The following LRRC37A variants were observed in gnomAD, a reference collection of about 807,000 sequenced individuals.
LRRC37A encodes leucine-rich repeat-containing protein 37A.
LRRC37A carries 3 observed loss-of-function variants against 35.4 expected under a neutral mutation model. That is an observed-to-expected ratio of 0.08 (90% CI 0.04 to 0.22). The LOEUF (loss-of-function observed/expected upper bound fraction) is 0.22. LRRC37A is among the 10% of genes least tolerant of loss of function. The pLI is 1.00. For synonymous variants in LRRC37A, 23 were observed against 215.0 expected (o/e 0.11, Z 7.81); for missense variants, 67 against 565.3 (o/e 0.12, Z 8.94).
chr17:46,279,456 T>C, the LRRC37A span, among the ~76,000 whole-genome samples: 2 of 151,952 alleles, frequency 1.3e-5, no homozygotes, highest in Non-Finnish European at 2.9e-5. Context: ...AGTGCTGGGA[T>C]TACAGGCATG....
chr17:46,251,999 T>G, the LRRC37A span, among the ~76,000 whole-genome samples: 1 of 152,190 alleles, frequency 6.6e-6, no homozygotes, highest in Admixed American at 6.5e-5. Context: ...CCACTAGCAT[T>G]ACATGACTAT....
chr17:46,332,264 G>A (rs1413787194), intron 9 of LRRC37A, among the ~76,000 whole-genome samples: 4 of 52,740 alleles, frequency 7.6e-5, no homozygotes, highest in Non-Finnish European at 1.3e-4. Context: ...GACCAGCTTG[G>A]CCAACATAGT....
At chr17:46,291,089 T>C (rs1472062535), upstream of LRRC37A, among the ~76,000 whole-genome samples, 1 of 152,252 alleles carries the variant, frequency 6.6e-6, no homozygotes, top group African/African-American at 2.4e-5. Context: ...AGAAGCAATG[T>C]GACAAATTAT....
chr17:46,291,969 C>CAAAAAAAAAAAAAAAA (rs59554870), upstream of LRRC37A, among the ~76,000 whole-genome samples: 4 of 58,086 alleles, frequency 6.9e-5, no homozygotes, highest in Non-Finnish European at 9.5e-5. Flanking sequence ...TCTCAAAAAG[C>CAAAAAAAAAAAAAAAA]AAAAAAAAAA....
At chr17:46,269,300 G>A in the LRRC37A span, among the ~76,000 whole-genome samples, 18,471 of 152,170 alleles carry the variant, frequency 0.12, no homozygotes, top group Non-Finnish European at 0.18. Flanking sequence ...TTGAGAGGCC[G>A]AGGCGGGTGG....
the LRRC37A span, among the ~76,000 whole-genome samples, chr17:46,271,100 T>C: frequency 4.1e-3 from 629 of 152,204 alleles, 7 homozygotes; most frequent in African/African-American, 0.014. Context: ...TTCATTATTT[T>C]ATCCATGGAA....
chr17:46,278,503 C>A, the LRRC37A span, among the ~76,000 whole-genome samples: 2 of 151,450 alleles, frequency 1.3e-5, no homozygotes, highest in African/African-American at 4.9e-5. Context: ...CTCCTGGGTT[C>A]AAGCGATTTT....
At chr17:46,282,409 TTTTG>T in the LRRC37A span, among the ~76,000 whole-genome samples, 3 of 149,158 alleles carry the variant, frequency 2.0e-5, no homozygotes, top group Non-Finnish European at 3.0e-5. Context: ...GGCCTCAGTT[TTTTG>T]TTTGTTTTTT....
the LRRC37A span, among the ~76,000 whole-genome samples, chr17:46,267,744 C>T: frequency 6.6e-6 from 1 of 152,118 alleles, no homozygotes; most frequent in South Asian, 2.1e-4. Context: ...TGGCACAAAG[C>T]GGGCTGTCAA....
the LRRC37A span, among the ~76,000 whole-genome samples, chr17:46,262,970 T>C: frequency 6.6e-6 from 1 of 152,182 alleles, no homozygotes; most frequent in African/African-American, 2.4e-5. Flanking sequence ...CCAAGCACTT[T>C]GTGAGGCCAA....
the LRRC37A span, among the ~76,000 whole-genome samples, chr17:46,266,866 G>A: frequency 6.7e-6 from 1 of 149,404 alleles, no homozygotes; most frequent in Non-Finnish European, 1.5e-5. Context: ...CGCGCCGCGG[G>A]CCCGCGACGG....
the LRRC37A span, among the ~76,000 whole-genome samples, chr17:46,283,305 T>C: frequency 2.6e-5 from 4 of 152,260 alleles, no homozygotes; most frequent in Non-Finnish European, 5.9e-5. Context: ...TCAACTCATG[T>C]GTACCCACAG....
chr17:46,265,291 CTTCTTCTTCTTCTTCT>C, the LRRC37A span, among the ~76,000 whole-genome samples: 22 of 107,912 alleles, frequency 2.0e-4, no homozygotes, highest in South Asian at 4.8e-3. Context: ...TCTTCTTCTT[CTTCTTCTTCTTCTTCT>C]TCTTCTTCCT....
chr17:46,258,264 G>A, the LRRC37A span, among the ~76,000 whole-genome samples: 3 of 151,280 alleles, frequency 2.0e-5, no homozygotes, highest in Non-Finnish European at 3.0e-5. Context: ...AGGCTGGAGT[G>A]CAGCGGCACG....
At chr17:46,280,875 C>G in the LRRC37A span, among the ~76,000 whole-genome samples, 1 of 152,158 alleles carries the variant, frequency 6.6e-6, no homozygotes, top group Admixed American at 6.5e-5. Flanking sequence ...CGTGTCTGGC[C>G]AATAGCACAC....
At chr17:46,258,906 G>C in the LRRC37A span, among the ~76,000 whole-genome samples, 1 of 150,488 alleles carries the variant, frequency 6.6e-6, no homozygotes, top group African/African-American at 2.5e-5. Flanking sequence ...TTTTAGTAGA[G>C]ACCGGGTTTC....
chr17:46,287,106 C>T, the LRRC37A span, among the ~76,000 whole-genome samples: 1 of 152,208 alleles, frequency 6.6e-6, no homozygotes, highest in South Asian at 2.1e-4. Flanking sequence ...TGAATCCAAC[C>T]ATTCTACCCC....
chr17:46,280,518 A>G, the LRRC37A span, among the ~76,000 whole-genome samples: 7 of 152,042 alleles, frequency 4.6e-5, no homozygotes, highest in African/African-American at 1.7e-4. Context: ...CTAATTAAAA[A>G]TATATATTAT....
the LRRC37A span, chr17:46,267,379 A>AC: frequency 9.2e-7 from 1 of 1,090,514 alleles, no homozygotes; most frequent in South Asian, 1.3e-5. Flanking sequence ...CTGGCTGGTG[A>AC]CCCTGCTGGT....
Sources: allele counts gnomAD v4.1 joint callset (sites outside exome capture counted in the v4.1 genomes callset), GRCh38; gene constraint gnomAD v4.1.1; transcripts MANE v1.5; gene names NCBI Gene and HGNC (gene_info 2026-07-23, HGNC 2026-07-21).